Variants in MAD1L1 observed in about 807,000 individuals in gnomAD.
MAD1L1 encodes the protein mitotic arrest deficient 1 like 1, also known as mitotic spindle assembly checkpoint protein MAD1.
In MAD1L1, 95 loss-of-function variants were observed where a neutral mutation model predicts 96.9. That is an observed-to-expected ratio of 0.98 (90% confidence interval 0.83 to 1.16). The LOEUF (loss-of-function observed/expected upper bound fraction) is 1.16, where lower values mean the gene tolerates loss of function less well. Ranked by LOEUF, MAD1L1 falls within the 50% of genes most tolerant of loss-of-function variation. The pLI is 0.00. For missense variants in MAD1L1, 1,007 were observed against 954.4 expected, an observed-to-expected ratio of 1.06 and a Z score of -0.73; for synonymous variants, 473 against 396.6, an observed-to-expected ratio of 1.19 and a Z score of -2.29.
intron 16 of MAD1L1, among the ~76,000 whole-genome samples, chr7:1,945,956 T>C (rs1173789002): frequency 6.6e-6 from 1 of 152,024 alleles, no homozygotes; most frequent in Non-Finnish European, 1.5e-5. Context: ...CTTCCCACCA[T>C]GGACATACCA....
chr7:2,194,299 C>T (rs1279095293), intron 10 of MAD1L1, among the ~76,000 whole-genome samples: 7 of 152,200 alleles, frequency 4.6e-5, no homozygotes, highest in Non-Finnish European at 1.0e-4. Context: ...ATGGCTAGCC[C>T]TGTATCCTCA....
chr7:2,007,571 T>C (rs1350573558), intron 13 of MAD1L1, among the ~76,000 whole-genome samples: 1 of 152,156 alleles, frequency 6.6e-6, no homozygotes, highest in Admixed American at 6.5e-5. Context: ...CTACTCAGGA[T>C]ACCAAGGCAG....
At chr7:2,015,415 C>T (rs896461215) in intron 12 of MAD1L1, among the ~76,000 whole-genome samples, 3 of 152,194 alleles carry the variant, frequency 2.0e-5, no homozygotes, top group Non-Finnish European at 2.9e-5. Flanking sequence ...TTCCTAGAGC[C>T]GGGCAGAAAC....
At chr7:2,029,624 G>T (rs886650552) in intron 12 of MAD1L1, among the ~76,000 whole-genome samples, 13 of 152,076 alleles carry the variant, frequency 8.5e-5, no homozygotes, top group South Asian at 6.2e-4. Flanking sequence ...GGCTGTGGTT[G>T]TAAGTCCCAT....
chr7:2,226,229 T>C (rs1212417119), intron 3 of MAD1L1, among the ~76,000 whole-genome samples: 1 of 152,206 alleles, frequency 6.6e-6, no homozygotes, highest in Non-Finnish European at 1.5e-5. Flanking sequence ...TAGACCTTAA[T>C]TACATCTGCA....
At chr7:2,109,128 C>A (rs1787246986) in intron 11 of MAD1L1, among the ~76,000 whole-genome samples, 1 of 152,274 alleles carries the variant, frequency 6.6e-6, no homozygotes, top group South Asian at 2.1e-4. Flanking sequence ...CATCAGAGGA[C>A]AGGCCCTGCC....
chr7:1,918,246 G>A (rs1488457079), intron 17 of MAD1L1, among the ~76,000 whole-genome samples: 1 of 152,180 alleles, frequency 6.6e-6, no homozygotes, highest in Non-Finnish European at 1.5e-5. Flanking sequence ...CCTGGTCTCT[G>A]GCCCTGCTGC....
chr7:2,069,148 C>T, intron 12 of MAD1L1, 46 bp downstream of exon 12: 2 of 1,522,296 alleles, frequency 1.3e-6, no homozygotes, highest in Non-Finnish European at 1.8e-6. Context: ...GTGCACTGAC[C>T]CGCAGCTCCC....
Position 1,898,323 on chromosome 7 carries a change from C to T in MAD1L1, c.1875G>A (p.Lys625=). 1 of 1,614,086 alleles carries T rather than the reference C, an allele frequency of 6.2e-7. No individual in the cohort carries two copies. The highest frequency in any genetic ancestry group is 8.5e-7 in the Non-Finnish European group (1 of 1,180,004). The part of the protein sequence containing the change: ...NQRLKEVFQT[K]IQEFRKACYT... ...AGCAGGCCTTGCGGAACTCCTGGAT[C>T]TTGGTCTGGAAAACCTCCTTGAGCC... The change falls in exon 18 of 19, where the codon AAG becomes AAA. Residue 625 remains lysine (K), a synonymous_variant. Coordinates refer to ENST00000265854, the MANE Select transcript of MAD1L1 (RefSeq NM_001013836.2).
intron 18 of MAD1L1, among the ~76,000 whole-genome samples, chr7:1,887,949 A>ACG (rs1786231900): frequency 2.1e-5 from 3 of 143,456 alleles, no homozygotes; most frequent in Middle Eastern, 4.0e-3. Flanking sequence ...GTGTGTATGC[A>ACG]CATGTGTATG....
At chr7:2,056,049 T>C (rs1784375219) in intron 12 of MAD1L1, among the ~76,000 whole-genome samples, 2 of 152,220 alleles carry the variant, frequency 1.3e-5, no homozygotes, top group Admixed American at 1.3e-4. Context: ...CTGGGCAGTC[T>C]CTATGCCACT....
intron 14 of MAD1L1, among the ~76,000 whole-genome samples, chr7:1,982,857 C>T (rs1780969965): frequency 6.6e-6 from 1 of 152,104 alleles, no homozygotes; most frequent in Non-Finnish European, 1.5e-5. Flanking sequence ...TATTTTCTAT[C>T]ACAGTGAGAA....
chr7:1,908,230 G>C (rs565133699), intron 17 of MAD1L1, among the ~76,000 whole-genome samples: 3 of 152,294 alleles, frequency 2.0e-5, no homozygotes, highest in East Asian at 1.9e-4. Context: ...CAACTCTCGC[G>C]ATCATACCCT....
At chr7:1,821,479 C>T (rs1360600747) in intron 18 of MAD1L1, among the ~76,000 whole-genome samples, 1 of 152,036 alleles carries the variant, frequency 6.6e-6, no homozygotes, top group Non-Finnish European at 1.5e-5. Context: ...GGATGGTGCG[C>T]ACACAAAGAA....
At chr7:1,989,459 A>T (rs1781304969) in intron 14 of MAD1L1, among the ~76,000 whole-genome samples, 2 of 152,160 alleles carry the variant, frequency 1.3e-5, no homozygotes, top group South Asian at 4.2e-4. Context: ...GCCGACAGGG[A>T]GAGGGGAGCA....
At chr7:1,838,379 G>A (rs182241825) in intron 18 of MAD1L1, among the ~76,000 whole-genome samples, 4 of 152,344 alleles carry the variant, frequency 2.6e-5, no homozygotes, top group East Asian at 3.9e-4. Context: ...GCTTGTACAC[G>A]AATGTTCACA....
chr7:2,028,148 G>A (rs946312627), intron 12 of MAD1L1, among the ~76,000 whole-genome samples: 6 of 151,972 alleles, frequency 3.9e-5, no homozygotes, highest in Admixed American at 2.0e-4. Context: ...ACCTAAGGCC[G>A]GGCGCGGTGA....
At chr7:1,816,258 A>C (rs774346986) in intron 18 of MAD1L1, 30 bp from the exon 19 acceptor site, 1 of 1,599,924 alleles carries the variant, frequency 6.3e-7, no homozygotes, top group South Asian at 1.1e-5. Context: ...GAGACAAGAC[A>C]GCGGTCAGCC....
chr7:2,172,863 C>T (rs1790773601), intron 10 of MAD1L1, among the ~76,000 whole-genome samples: 1 of 152,188 alleles, frequency 6.6e-6, no homozygotes, highest in Admixed American at 6.5e-5. Flanking sequence ...CTCGAGGCTG[C>T]CCCATCAGAT....
Sources: gnomAD v4.1 joint callset for allele counts (sites outside exome capture counted in the v4.1 genomes callset) on GRCh38, gnomAD v4.1.1 for gene constraint, MANE v1.5 for transcripts, NCBI Gene and HGNC (gene_info 2026-07-23, HGNC 2026-07-21) for gene names.